The following FGD4 variants were observed in gnomAD, a reference collection of about 807,000 sequenced individuals.
FGD4 encodes the protein FYVE, RhoGEF and PH domain-containing protein 4.
Under a neutral mutation model 102.0 loss-of-function variants are expected in FGD4, and 42 were observed. The observed-to-expected ratio is 0.41, with a 90% confidence interval of 0.32 to 0.53. The LOEUF is 0.53. Among genes scored for constraint, FGD4 ranks in the 20% least tolerant of loss-of-function variants. FGD4 has a pLI of 0.21. For missense variants in FGD4, 902 were observed against 1,078.2 expected (o/e 0.84, Z 2.29); for synonymous variants, 380 against 375.7 (o/e 1.01, Z -0.13).
intron 1 of FGD4, among the ~76,000 whole-genome samples, chr12:32,407,199 C>T (rs1471878702): frequency 6.7e-6 from 1 of 149,264 alleles, no homozygotes; most frequent in Non-Finnish European, 1.5e-5. Flanking sequence ...GATCTCGGCT[C>T]ACTGCAACCT....
intron 5 of FGD4, among the ~76,000 whole-genome samples, 187 bp from the exon 6 acceptor site, chr12:32,601,091 A>G (rs566690986): frequency 6.6e-6 from 1 of 152,274 alleles, no homozygotes; most frequent in Admixed American, 6.5e-5. Flanking sequence ...AAAGCTTCCT[A>G]ATTCTTATTC....
intron 1 of FGD4, among the ~76,000 whole-genome samples, chr12:32,471,152 A>G (rs568644533): frequency 1.8e-4 from 27 of 152,068 alleles, no homozygotes; most frequent in African/African-American, 6.5e-4. Context: ...CCCCACACCA[A>G]GCTCTCAGGT....
intron 1 of FGD4, among the ~76,000 whole-genome samples, chr12:32,461,059 C>T (rs1456213822): frequency 1.3e-5 from 2 of 152,178 alleles, no homozygotes; most frequent in Non-Finnish European, 2.9e-5. Flanking sequence ...ACATCTTATA[C>T]ATATATGATG....
intron 1 of FGD4, among the ~76,000 whole-genome samples, chr12:32,553,464 T>C (rs545854791): frequency 7.7e-4 from 118 of 152,342 alleles, no homozygotes; most frequent in African/African-American, 2.8e-3. Flanking sequence ...CTGAAAATTA[T>C]TGTTTTAAAA....
At chr12:32,456,564 A>G (rs1942953539) in intron 1 of FGD4, among the ~76,000 whole-genome samples, 1 of 152,146 alleles carries the variant, frequency 6.6e-6, no homozygotes, top group East Asian at 1.9e-4. Context: ...GGGAGGATTT[A>G]TCCATAATCT....
chr12:32,570,324 T>C (rs1357060378), intron 2 of FGD4, among the ~76,000 whole-genome samples: 1 of 152,118 alleles, frequency 6.6e-6, no homozygotes, highest in African/African-American at 2.4e-5. Flanking sequence ...TGGATTTAAT[T>C]TGTATTTCCC....
At chr12:32,401,903 A>AT (rs537785812) in intron 1 of FGD4, among the ~76,000 whole-genome samples, 8,822 of 85,066 alleles carry the variant, frequency 0.1, 426 homozygotes, top group Middle Eastern at 0.16. Context: ...ATTTTTGTAC[A>AT]TTTTTTTTTT....
chr12:32,410,356 G>A (rs554821368), intron 1 of FGD4, among the ~76,000 whole-genome samples: 20 of 151,890 alleles, frequency 1.3e-4, no homozygotes, highest in African/African-American at 2.7e-4. Flanking sequence ...AGTATGGCCC[G>A]TAGTCTTAGC....
intron 1 of FGD4, among the ~76,000 whole-genome samples, chr12:32,537,746 T>C (rs1266730989): frequency 6.6e-6 from 1 of 152,216 alleles, no homozygotes; most frequent in African/African-American, 2.4e-5. Context: ...AAATATGTTA[T>C]GCCTTATTCC....
rs114076773 is a variant in FGD4 at position 32,465,738 on chromosome 12, C to G, written c.166+65779C>G. Among the ~76,000 whole-genome samples, 1,327 of 151,398 alleles carry G rather than the reference C, an allele frequency of 8.8e-3. 16 individuals are homozygous for G. The highest frequency in any genetic ancestry group is 0.031 in the African/African-American group (1,263 of 41,334). On this transcript the variant is annotated intron_variant, in intron 1 of 16. Transcript: ENST00000534526. ...ATTACTTACTGAAGACTTAGATGATCGTTGTATTTTTTAGCAACAAAGTGT... is the reference window on the plus strand; with the variant it reads ...ATTACTTACTGAAGACTTAGATGATGGTTGTATTTTTTAGCAACAAAGTGT...
chr12:32,524,138 T>C (rs1312195720), intron 1 of FGD4, among the ~76,000 whole-genome samples: 1 of 151,866 alleles, frequency 6.6e-6, no homozygotes, highest in Non-Finnish European at 1.5e-5. Context: ...GGCTCATGCC[T>C]GTAATCCCAG....
intron 8 of FGD4, 129 bp from the exon 9 acceptor site, chr12:32,610,647 A>G: frequency 1.3e-6 from 1 of 780,774 alleles, no homozygotes; most frequent in Non-Finnish European, 2.1e-6. Flanking sequence ...TACCGTTTAT[A>G]AATGGAAAAT....
chr12:32,564,315 G>T (rs766856489), intron 2 of FGD4, 26 bp downstream of exon 2: 3 of 1,533,668 alleles, frequency 2.0e-6, no homozygotes, highest in South Asian at 1.2e-5. Flanking sequence ...GTTTGTGTTC[G>T]GGGTGGGTAC....
chr12:32,456,753 A>C (rs1024033439), intron 1 of FGD4, among the ~76,000 whole-genome samples: 1 of 152,226 alleles, frequency 6.6e-6, no homozygotes, highest in African/African-American at 2.4e-5. Context: ...TAGAAAAATT[A>C]GAGCTGCTGT....
At chr12:32,562,839 C>T (rs1366132130) in intron 1 of FGD4, among the ~76,000 whole-genome samples, 2 of 152,254 alleles carry the variant, frequency 1.3e-5, no homozygotes, top group Non-Finnish European at 2.9e-5. Context: ...GGCAACCATC[C>T]GACTTCTCAA....
At chr12:32,465,438 G>A (rs1160496980) in intron 1 of FGD4, among the ~76,000 whole-genome samples, 1 of 152,052 alleles carries the variant, frequency 6.6e-6, no homozygotes, top group Admixed American at 6.5e-5. Flanking sequence ...GGGAGGCTGA[G>A]GCGGGCAGAT....
chr12:32,431,885 T>C (rs1170173402), intron 1 of FGD4, among the ~76,000 whole-genome samples: 1 of 152,126 alleles, frequency 6.6e-6, no homozygotes, highest in East Asian at 1.9e-4. Context: ...CTGAAAGGTG[T>C]GACTAATATG....
Position 32,633,596 on chromosome 12 carries a change from T to A in FGD4, c.2220T>A (p.Asp740Glu). 1 of 1,613,924 alleles carries A rather than the reference T, an allele frequency of 6.2e-7. No homozygotes were observed. The highest frequency in any genetic ancestry group is 8.5e-7 in the Non-Finnish European group (1 of 1,179,870). The change falls in exon 15 of 17, where the codon GAT becomes GAA. Residue 740 changes from aspartate (D) to glutamate (E), a missense_variant. By Grantham distance (45) the Asp-to-Glu change is conservative (BLOSUM62 2). Transcript: ENST00000534526. ...CSDYKAQLEY[D>E]GGKLSKVCKD... ...ACTACAAAGCTCAACTTGAATATGATGGTGGTAAATTGAGCAAAGTTTGTA... is the reference window on the plus strand; with the variant it reads ...ACTACAAAGCTCAACTTGAATATGAAGGTGGTAAATTGAGCAAAGTTTGTA...
chr12:32,460,631 T>G (rs1397101767), intron 1 of FGD4, among the ~76,000 whole-genome samples: 7 of 152,156 alleles, frequency 4.6e-5, no homozygotes, highest in Admixed American at 4.6e-4. Context: ...ATGGATTGCA[T>G]GATGAAAACT....
Sources: gnomAD v4.1 joint callset for allele counts (sites outside exome capture counted in the v4.1 genomes callset) on GRCh38, gnomAD v4.1.1 for gene constraint, MANE v1.5 for transcripts, NCBI Gene and HGNC (gene_info 2026-07-23, HGNC 2026-07-21) for gene names.